DDX10: variants seen among roughly 807,000 people sequenced by gnomAD.
The protein encoded by DDX10 is probable ATP-dependent RNA helicase DDX10.
A neutral mutation model predicts 104.3 loss-of-function variants in DDX10; 74 were observed. That is an observed-to-expected ratio of 0.71 (90% CI 0.59 to 0.86). DDX10 has a LOEUF of 0.86. Ranked by LOEUF, DDX10 falls within the 40% of genes least tolerant of loss-of-function variation. The pLI, the probability that DDX10 is intolerant of heterozygous loss-of-function variation, is 0.00. For synonymous variants in DDX10, 351 were observed against 353.4 expected, an observed-to-expected ratio of 0.99 and a Z score of 0.08; for missense variants, 952 against 1,040.0, an observed-to-expected ratio of 0.92 and a Z score of 1.16.
At chr11:108,731,027 G>T (rs538867798) in intron 13 of DDX10, among the ~76,000 whole-genome samples, 2 of 151,714 alleles carry the variant, frequency 1.3e-5, no homozygotes, top group African/African-American at 4.8e-5. Context: ...TGGTTCTCCA[G>T]TTGAAATAGA....
intron 13 of DDX10, among the ~76,000 whole-genome samples, chr11:108,742,170 G>T (rs1346986022): frequency 6.6e-6 from 1 of 152,196 alleles, no homozygotes; most frequent in Admixed American, 6.5e-5. Flanking sequence ...TGAGGCAGGA[G>T]AATTGCTTGA....
At chr11:108,923,441 T>G (rs1863861901) in intron 17 of DDX10, among the ~76,000 whole-genome samples, 1 of 152,244 alleles carries the variant, frequency 6.6e-6, no homozygotes, top group Non-Finnish European at 1.5e-5. Context: ...AGTAAGAATC[T>G]TCTGCATTAT....
chr11:108,866,713 C>T (rs1341481373), intron 16 of DDX10, among the ~76,000 whole-genome samples: 1 of 152,126 alleles, frequency 6.6e-6, no homozygotes, highest in African/African-American at 2.4e-5. Context: ...TGTGCTAAGG[C>T]ATGTCATTTA....
intron 17 of DDX10, among the ~76,000 whole-genome samples, chr11:108,928,382 A>T (rs1361663441): frequency 1.3e-5 from 2 of 152,234 alleles, no homozygotes; most frequent in Non-Finnish European, 1.5e-5. Context: ...TAGTTGCTCT[A>T]GCAGGTGTGA....
At chr11:108,697,898 G>A (rs2094262126) in intron 9 of DDX10, among the ~76,000 whole-genome samples, 1 of 152,212 alleles carries the variant, frequency 6.6e-6, no homozygotes, top group African/African-American at 2.4e-5. Context: ...GGGGAGGGTT[G>A]TGGGTAGAAG....
At chr11:108,909,302 C>T (rs950774031) in intron 16 of DDX10, among the ~76,000 whole-genome samples, 7 of 152,274 alleles carry the variant, frequency 4.6e-5, no homozygotes, top group African/African-American at 1.7e-4. Flanking sequence ...CGGTGGCCCA[C>T]CCAGGAAGGG....
At chr11:108,668,588 A>G (rs144956421) in intron 1 of DDX10, among the ~76,000 whole-genome samples, 14 of 152,328 alleles carry the variant, frequency 9.2e-5, no homozygotes, top group Admixed American at 3.9e-4. Flanking sequence ...AGCATTGTAC[A>G]TAAAACTTAC....
intron 9 of DDX10, among the ~76,000 whole-genome samples, chr11:108,697,929 AT>A (rs201570760): frequency 1.3e-5 from 2 of 152,144 alleles, no homozygotes; most frequent in African/African-American, 2.4e-5. Context: ...ATATATAACT[AT>A]TTTTTTCCCC....
chr11:108,908,142 G>A lies in DDX10; in HGVS notation c.2305-9731G>A, dbSNP rs529639830. The stretch of plus-strand genomic sequence containing the variant: ...TCTTCTCTAAATAATTTAGTGCCTA[G>A]GATTTATAGCTTGGGGAAATCTCAA... On this transcript the variant is annotated intron_variant, in intron 16 of 17. Transcript: ENST00000322536. Among the ~76,000 whole-genome samples, 13 of 152,126 alleles carry A rather than the reference G, an allele frequency of 8.5e-5. No homozygotes were observed. The South Asian group carries it at 2.7e-3, about 32-fold the overall frequency.
intron 13 of DDX10, among the ~76,000 whole-genome samples, chr11:108,766,445 C>T (rs1314233348): frequency 6.6e-6 from 1 of 152,142 alleles, no homozygotes; most frequent in Non-Finnish European, 1.5e-5. Context: ...TTTGGAGACT[C>T]TTGCTTGAAA....
At chr11:108,667,024 A>G (rs372504743) in intron 1 of DDX10, among the ~76,000 whole-genome samples, 1 of 152,194 alleles carries the variant, frequency 6.6e-6, no homozygotes, top group South Asian at 2.1e-4. Context: ...TGTTCTGCTT[A>G]CATTTTTCAA....
chr11:108,684,447 A>G (rs376361084), intron 6 of DDX10, among the ~76,000 whole-genome samples: 7 of 143,586 alleles, frequency 4.9e-5, no homozygotes, highest in African/African-American at 1.3e-4. Context: ...GAGAATATGC[A>G]GTGTTTGGTT....
intron 13 of DDX10, among the ~76,000 whole-genome samples, chr11:108,797,283 C>T (rs563583109): frequency 3.0e-4 from 46 of 152,328 alleles, no homozygotes; most frequent in Non-Finnish European, 5.1e-4. Context: ...CCGTCTGCCT[C>T]GGCCTCCCAA....
intron 13 of DDX10, 91 bp from the exon 14 acceptor site, chr11:108,838,355 C>T: frequency 7.4e-7 from 1 of 1,346,092 alleles, no homozygotes; most frequent in Non-Finnish European, 1.0e-6. Context: ...TAAATGTACC[C>T]AGTTTTGAGA....
Position 108,843,959 on chromosome 11 carries a change from G to A in DDX10, c.2247+2483G>A, listed in dbSNP as rs1032691566. The stretch of plus-strand genomic sequence containing the variant: ...TATCGTTGTGCACTTTTCCATTTTC[G>A]CTTAGCTTTGAGCTTGTAAATGATT... On this transcript the variant is annotated intron_variant, in intron 15 of 17. Coordinates refer to ENST00000322536, the MANE Select transcript of DDX10 (RefSeq NM_004398.4). Among the ~76,000 whole-genome samples, 5 of 151,552 alleles carry A rather than the reference G, an allele frequency of 3.3e-5. 1 individual carries two copies. The highest frequency in any genetic ancestry group is 2.6e-4 in the Admixed American group (4 of 15,226).
intron 15 of DDX10, among the ~76,000 whole-genome samples, chr11:108,851,158 C>T (rs191789038): frequency 2.6e-5 from 4 of 151,662 alleles, no homozygotes; most frequent in South Asian, 2.1e-4. Flanking sequence ...TTGTGATCTT[C>T]GTAGAATAAC....
intron 16 of DDX10, among the ~76,000 whole-genome samples, chr11:108,879,654 A>G (rs1863200840): frequency 6.6e-6 from 1 of 152,204 alleles, no homozygotes; most frequent in African/African-American, 2.4e-5. Flanking sequence ...CTTATTATCA[A>G]GTTACTTCAA....
intron 16 of DDX10, among the ~76,000 whole-genome samples, chr11:108,866,430 AGG>A (rs1205100387): frequency 2.6e-5 from 4 of 152,118 alleles, no homozygotes; most frequent in South Asian, 2.1e-4. Flanking sequence ...GCAGCTTGGA[AGG>A]TCACTTTGGA....
intron 13 of DDX10, among the ~76,000 whole-genome samples, chr11:108,781,206 G>A (rs1484342698): frequency 6.6e-6 from 1 of 152,130 alleles, no homozygotes; most frequent in African/African-American, 2.4e-5. Context: ...ATGGCCACCA[G>A]CTCCACCCAT....
Sources: allele counts gnomAD v4.1 joint callset (sites outside exome capture counted in the v4.1 genomes callset), GRCh38; gene constraint gnomAD v4.1.1; transcripts MANE v1.5; gene names NCBI Gene and HGNC (gene_info 2026-07-23, HGNC 2026-07-21).